The following ERC2 variants were observed in gnomAD, a reference collection of about 807,000 sequenced individuals.
ERC2 encodes ELKS/RAB6-interacting/CAST family member 2.
ERC2 carries 42 observed loss-of-function variants against 114.8 expected under a neutral mutation model. The ratio of observed to expected loss-of-function variants is 0.37; its 90% CI spans 0.29 to 0.47. ERC2 has a LOEUF of 0.47. Among genes scored for constraint, ERC2 ranks in the 20% least tolerant of loss-of-function variants. The pLI is 0.99. For synonymous variants in ERC2, 454 were observed against 425.5 expected (o/e 1.07, Z -0.82); for missense variants, 939 against 1,150.7 (o/e 0.82, Z 2.66).
At chr3:55,950,303 C>T in intron 13 of ERC2, 122 bp downstream of exon 13, 1 of 1,251,030 alleles carries the variant, frequency 8.0e-7, no homozygotes, top group Non-Finnish European at 1.1e-6. Context: ...CCTGTTAGTG[C>T]TAGACTCAGG....
chr3:55,968,149 T>G (rs1027635250), intron 12 of ERC2, among the ~76,000 whole-genome samples: 1 of 152,108 alleles, frequency 6.6e-6, no homozygotes, highest in African/African-American at 2.4e-5. Flanking sequence ...TTTTTTAACA[T>G]TATATTTTAA....
At chr3:55,997,933 T>TG (rs2071715341) in intron 10 of ERC2, among the ~76,000 whole-genome samples, 1 of 140,888 alleles carries the variant, frequency 7.1e-6, no homozygotes, top group Non-Finnish European at 1.5e-5. Flanking sequence ...TTTTTTGTTT[T>TG]TTTTTTTTTT....
At chr3:55,734,663 C>T in intron 15 of ERC2, 108 bp downstream of exon 15, 1 of 1,392,508 alleles carries the variant, frequency 7.2e-7, no homozygotes, top group Non-Finnish European at 9.6e-7. Flanking sequence ...GTTTTAGGAG[C>T]TTGAGCCCAC....
At chr3:55,524,520 T>C (rs1365126383) in intron 17 of ERC2, among the ~76,000 whole-genome samples, 3 of 151,000 alleles carry the variant, frequency 2.0e-5, no homozygotes, top group Admixed American at 6.6e-5. Context: ...TTTTTTTTTT[T>C]CATGGCTCCA....
At chr3:55,990,639 C>G (rs1033032494) in intron 11 of ERC2, among the ~76,000 whole-genome samples, 4 of 152,174 alleles carry the variant, frequency 2.6e-5, no homozygotes, top group African/African-American at 7.2e-5. Flanking sequence ...TGGCCTCAAA[C>G]CCCTAGGCTC....
At chr3:55,866,614 T>C (rs1035634095) in intron 14 of ERC2, among the ~76,000 whole-genome samples, 2 of 152,218 alleles carry the variant, frequency 1.3e-5, no homozygotes, top group Non-Finnish European at 2.9e-5. Context: ...CATTTAGGTC[T>C]ATGATCCATT....
chr3:56,077,421 T>C (rs371162943), intron 7 of ERC2, among the ~76,000 whole-genome samples: 17 of 152,374 alleles, frequency 1.1e-4, no homozygotes, highest in African/African-American at 3.8e-4. Flanking sequence ...ATCATAATCA[T>C]GTTGCCGAAA....
intron 1 of ERC2, among the ~76,000 whole-genome samples, chr3:56,459,222 A>G (rs1269511931): frequency 6.6e-6 from 1 of 152,196 alleles, no homozygotes; most frequent in Non-Finnish European, 1.5e-5. Context: ...ACTAGGTTCA[A>G]TTTCTTATAG....
At chr3:55,766,302 C>A (rs2149009615) in intron 14 of ERC2, among the ~76,000 whole-genome samples, 1 of 151,514 alleles carries the variant, frequency 6.6e-6, no homozygotes. Context: ...GATCAAGGAC[C>A]CAAACAAAAT....
At chr3:55,547,867 C>G (rs2054868578) in intron 17 of ERC2, among the ~76,000 whole-genome samples, 1 of 152,246 alleles carries the variant, frequency 6.6e-6, no homozygotes, top group Non-Finnish European at 1.5e-5. Context: ...GACGTAAGGT[C>G]ACACAGCAGA....
chr3:55,697,675 C>A (rs905294603), intron 16 of ERC2, among the ~76,000 whole-genome samples: 1 of 152,104 alleles, frequency 6.6e-6, no homozygotes, highest in Non-Finnish European at 1.5e-5. Flanking sequence ...GGTTTGTTAT[C>A]TCAGCAGGTC....
At chr3:55,641,549 CAAAAAAAAAAAA>C (rs57407975) in intron 17 of ERC2, among the ~76,000 whole-genome samples, 3 of 28,346 alleles carry the variant, frequency 1.1e-4, no homozygotes, top group East Asian at 1.4e-3. Context: ...GATTCTATCT[CAAAAAAAAAAAA>C]AAAAAAAAAA....
chr3:55,671,150 C>T (rs1429031422), intron 17 of ERC2, among the ~76,000 whole-genome samples: 1 of 152,146 alleles, frequency 6.6e-6, no homozygotes, highest in Non-Finnish European at 1.5e-5. Flanking sequence ...AATACCATTA[C>T]AGATCATCAT....
Position 56,434,988 on chromosome 3 carries a change from G to T in ERC2, c.20C>A (p.Thr7Lys). 1 of 1,610,398 alleles carries T rather than the reference G, an allele frequency of 6.2e-7. No individual in the cohort carries two copies. Among genetic ancestry groups the T allele is most frequent in the Non-Finnish European group, 8.5e-7 (1 of 1,179,470 alleles). The stretch of plus-strand genomic sequence containing the variant: ...AGGGCTACCTTCCAGATTGGTGATT[G>T]TTCTTGCACTTCCATACATTTTTCT... Reference protein sequence around the residue: MYGSARTITNLEGSPSR... With the variant: MYGSARKITNLEGSPSR... The change falls in exon 2 of 18, where the codon ACA becomes AAA. Residue 7 changes from threonine to lysine, a missense_variant. Around this residue, in one of 5 missense-constraint regions of ERC2, gnomAD observed 281 missense variants for 307.4 expected, o/e 0.91. Coordinates refer to ENST00000288221, the MANE Select transcript of ERC2 (RefSeq NM_015576.3).
chr3:55,911,360 C>A (rs2064800551), intron 13 of ERC2, among the ~76,000 whole-genome samples: 1 of 152,132 alleles, frequency 6.6e-6, no homozygotes, highest in Non-Finnish European at 1.5e-5. Context: ...AACATCCTGT[C>A]TAAATGTAAT....
chr3:55,684,121 T>C (rs962570707), intron 16 of ERC2, among the ~76,000 whole-genome samples: 3 of 152,100 alleles, frequency 2.0e-5, no homozygotes, highest in African/African-American at 7.2e-5. Flanking sequence ...TGTGTCAAAA[T>C]CGGATTAGAA....
At chr3:56,257,921 G>T (rs1233309382) in intron 3 of ERC2, among the ~76,000 whole-genome samples, 2 of 152,204 alleles carry the variant, frequency 1.3e-5, no homozygotes, top group Non-Finnish European at 2.9e-5. Context: ...AGTTCACAAT[G>T]GAGATAATTA....
rs563277621 is a variant in ERC2, at chr3:55,662,969, G to A, written c.*39+20825C>T. On this transcript the variant is annotated intron_variant, in intron 17 of 17. Coordinates refer to ENST00000288221, the MANE Select transcript of ERC2 (RefSeq NM_015576.3). ...ATGGCTGTGACCTTCCACAGACCTC[G>A]CACATAGAAGGTACTCAATAAATAC... 4.6e-5 allele frequency among the ~76,000 whole-genome samples: 7 copies of A among 152,064 alleles called. No homozygotes were observed. In the South Asian group the frequency reaches 8.3e-4, roughly 18 times the overall value.
chr3:55,957,549 A>T (rs893363382), intron 12 of ERC2, among the ~76,000 whole-genome samples: 7 of 152,216 alleles, frequency 4.6e-5, no homozygotes, highest in African/African-American at 1.7e-4. Context: ...GTTTTGCTTG[A>T]GGCCACAAGC....
Sources: allele counts gnomAD v4.1 joint callset (sites outside exome capture counted in the v4.1 genomes callset), GRCh38; gene constraint gnomAD v4.1.1; regional missense constraint gnomAD v4.1.1; transcripts MANE v1.5; gene names NCBI Gene and HGNC (gene_info 2026-07-23, HGNC 2026-07-21).